Variants in MTHFS observed in about 807,000 individuals in gnomAD.
MTHFS encodes the protein methenyltetrahydrofolate synthetase, also known as 5-formyltetrahydrofolate cyclo-ligase.
In MTHFS, 7 loss-of-function variants were observed where a neutral mutation model predicts 12.7. The ratio of observed to expected loss-of-function variants is 0.55; its 90% CI spans 0.31 to 1.03. The LOEUF is 1.03. MTHFS is among the 50% of genes least tolerant of loss of function. The pLI, the probability that MTHFS is intolerant of heterozygous loss-of-function variation, is 0.05. For missense variants in MTHFS, 252 were observed against 258.1 expected (o/e 0.98, Z 0.16); for synonymous variants, 100 against 97.1 (o/e 1.03, Z -0.18).
chr15:79,874,247 G>T (rs1274568177), intron 2 of MTHFS, among the ~76,000 whole-genome samples: 2 of 151,364 alleles, frequency 1.3e-5, no homozygotes, highest in African/African-American at 2.4e-5. Flanking sequence ...ATTAGTCAAA[G>T]GCTTACACCA....
upstream of MTHFS, chr15:79,897,132 C>A: frequency 1.4e-6 from 1 of 705,146 alleles, no homozygotes; most frequent in Non-Finnish European, 2.1e-6. Context: ...GCTTCCGGGA[C>A]GCGGGCCCGC....
At chr15:79,855,831 C>T (rs765434127) in intron 2 of MTHFS, among the ~76,000 whole-genome samples, 8 of 152,048 alleles carry the variant, frequency 5.3e-5, no homozygotes, top group Non-Finnish European at 8.8e-5. Context: ...ACCATGTTGC[C>T]GCAAAGGACA....
intron 2 of MTHFS, among the ~76,000 whole-genome samples, chr15:79,857,586 TA>T (rs1942370503): frequency 6.6e-6 from 1 of 152,224 alleles, no homozygotes; most frequent in African/African-American, 2.4e-5. Flanking sequence ...TATGATAAAG[TA>T]ACCTATTACT....
At chr15:79,848,328 T>C (rs1368681808) in intron 2 of MTHFS, among the ~76,000 whole-genome samples, 3 of 152,158 alleles carry the variant, frequency 2.0e-5, no homozygotes, top group Non-Finnish European at 2.9e-5. Context: ...AGAATGATGG[T>C]TACCAGGCGC....
chr15:79,861,222 A>G (rs2033907942), intron 2 of MTHFS, among the ~76,000 whole-genome samples: 1 of 152,202 alleles, frequency 6.6e-6, no homozygotes, highest in African/African-American at 2.4e-5. Context: ...ATGTCCACTC[A>G]GCTAGTATGC....
rs2033559375 is a variant in MTHFS at position 79,843,685 on chromosome 15, A to G, written c.*1525T>C. On this transcript the variant is annotated 3_prime_UTR_variant, in exon 3 of 3. Transcript: ENST00000258874. Reference sequence around the variant, plus strand: ...TTAAAAAATTCTCTCTCTCACACACACACTATATGTCTAGTTGTGTACTAA... The same window carrying G: ...TTAAAAAATTCTCTCTCTCACACACGCACTATATGTCTAGTTGTGTACTAA... 6.6e-6 allele frequency: 1 copy of G among 152,240 alleles called. No individual in the cohort carries two copies. Among genetic ancestry groups the G allele is most frequent in the Non-Finnish European group, 1.5e-5 (1 of 68,048 alleles). 9.4% of individuals were successfully genotyped at this position (152,240 alleles called of 1,614,324 possible). A position where few individuals can be genotyped will look rare whatever the true frequency, so the allele number is the denominator to read the frequency against.
Position 79,889,393 on chromosome 15 carries a change from A to G in MTHFS, c.118-39T>C, listed in dbSNP as rs16971502. 21,944 of 1,582,096 alleles carry G rather than the reference A, an allele frequency of 0.014. 1,293 individuals are homozygous for G. In the East Asian group the frequency reaches 0.19, roughly 14 times the overall value. Reference sequence around the variant, plus strand: ...TATGGCAATTATATTTTCCAAGACTATATTTAGCAACTCCTCTTAACAATT... The same window carrying G: ...TATGGCAATTATATTTTCCAAGACTGTATTTAGCAACTCCTCTTAACAATT... On this transcript the variant is annotated intron_variant, in intron 1 of 2. Coordinates refer to ENST00000258874, the MANE Select transcript of MTHFS (RefSeq NM_006441.4).
chr15:79,880,109 G>A (rs557893142), intron 2 of MTHFS, among the ~76,000 whole-genome samples: 8 of 151,912 alleles, frequency 5.3e-5, no homozygotes, highest in African/African-American at 1.4e-4. Context: ...TCGCTCTGTC[G>A]CCCAGGCTGG....
chr15:79,891,283 T>C (rs1253793151), intron 1 of MTHFS, among the ~76,000 whole-genome samples: 1 of 152,108 alleles, frequency 6.6e-6, no homozygotes, highest in African/African-American at 2.4e-5. Flanking sequence ...TTCACAAATA[T>C]GTACAGATAA....
intron 2 of MTHFS, among the ~76,000 whole-genome samples, chr15:79,848,956 T>A (rs962364619): frequency 6.6e-6 from 1 of 152,160 alleles, no homozygotes; most frequent in Non-Finnish European, 1.5e-5. Context: ...ATTTTAATAA[T>A]TCCGAAGTAC....
chr15:79,870,057 A>G (rs2034076909), intron 2 of MTHFS, among the ~76,000 whole-genome samples: 1 of 152,246 alleles, frequency 6.6e-6, no homozygotes, highest in Non-Finnish European at 1.5e-5. Context: ...AATACCAATT[A>G]ATTCACAAAA....
Position 79,877,044 on chromosome 15 carries a change from TA to T in MTHFS, c.379+12048del, listed in dbSNP as rs907217301. 14 of 148,518 alleles carry T rather than the reference TA, an allele frequency of 9.4e-5. No individual in the cohort carries two copies. The East Asian group carries it at 9.9e-4, about 10-fold the overall frequency. The allele number at this position is 148,518 out of a possible 1,614,324, so 9.2% of individuals were successfully genotyped here. On this transcript the variant is annotated intron_variant, in intron 2 of 2. Transcript: ENST00000258874. ...GGCGACAACAGTGAAACTCCTTTTT[TA>T]AAAAAAAAAGAAAAGTACAACTACT...
chr15:79,868,139 G>C (rs993900870), intron 2 of MTHFS, among the ~76,000 whole-genome samples: 2 of 152,210 alleles, frequency 1.3e-5, no homozygotes, highest in Non-Finnish European at 2.9e-5. Context: ...CAAGTATCTA[G>C]CTTGTTTTAA....
intron 2 of MTHFS, among the ~76,000 whole-genome samples, chr15:79,862,618 T>C (rs1430512514): frequency 6.6e-6 from 1 of 152,154 alleles, no homozygotes; most frequent in African/African-American, 2.4e-5. Context: ...AAAAGAGGTA[T>C]TAAAAAAACT....
At chr15:79,889,473 A>AAAAAAAAAC in intron 1 of MTHFS, 119 bp from the exon 2 acceptor site, 2 of 1,225,212 alleles carry the variant, frequency 1.6e-6, no homozygotes, top group Non-Finnish European at 2.1e-6. Context: ...AAGAAAAAAA[A>AAAAAAAAAC]AGGGGGGGGG....
Position 79,889,354 on chromosome 15 carries a change from C to A in MTHFS, c.118G>T (p.Val40Leu), listed in dbSNP as rs749908152. Residue 40 changes from valine (V) to leucine (L), a missense_variant and splice_region_variant, in exon 2 of 3, where the codon GTG becomes TTG. By Grantham distance (32) the Val-to-Leu change is conservative (BLOSUM62 1). Transcript: ENST00000258874. ...LRQSRVLSQKVIAHSEYQKSK... is the reference protein window; with the variant it reads ...LRQSRVLSQKLIAHSEYQKSK... ...TTTTGATACTCACTGTGGGCAATCA[C>A]CTAAATGGGAAATTATGGCAATTAT... 1 of 1,610,476 alleles carries A rather than the reference C, an allele frequency of 6.2e-7. No homozygotes were observed. The highest frequency in any genetic ancestry group is 8.5e-7 in the Non-Finnish European group (1 of 1,177,540).
intron 2 of MTHFS, among the ~76,000 whole-genome samples, chr15:79,887,358 TGAATA>T (rs1424462368): frequency 6.6e-6 from 1 of 152,242 alleles, no homozygotes; most frequent in East Asian, 1.9e-4. Flanking sequence ...CCACTGTACT[TGAATA>T]GAACCAGAAC....
At chr15:79,866,046 G>GTT (rs34470808) in intron 2 of MTHFS, among the ~76,000 whole-genome samples, 10 of 146,350 alleles carry the variant, frequency 6.8e-5, no homozygotes, top group South Asian at 2.2e-4. Flanking sequence ...AATTTTATAA[G>GTT]TTTTTTTTTT....
intron 2 of MTHFS, among the ~76,000 whole-genome samples, chr15:79,869,650 T>G (rs921315555): frequency 1.4e-4 from 22 of 152,266 alleles, no homozygotes; most frequent in Admixed American, 5.2e-4. Context: ...CCCAGGCTAG[T>G]CTTAAATTCC....
Sources: gnomAD v4.1 joint callset for allele counts (sites outside exome capture counted in the v4.1 genomes callset) on GRCh38, gnomAD v4.1.1 for gene constraint, MANE v1.5 for transcripts, NCBI Gene and HGNC (gene_info 2026-07-23, HGNC 2026-07-21) for gene names.